Variants in RSPRY1 observed in about 807,000 individuals in gnomAD.
RSPRY1 encodes the protein RING finger and SPRY domain-containing protein 1.
Under a neutral mutation model 73.1 loss-of-function variants are expected in RSPRY1, and 23 were observed. The observed-to-expected ratio is 0.31, with a 90% confidence interval of 0.23 to 0.45. The LOEUF is 0.45. RSPRY1 is among the 20% of genes least tolerant of loss of function. The pLI is 1.00. For synonymous variants in RSPRY1, 226 were observed against 251.4 expected, an observed-to-expected ratio of 0.90 and a Z score of 0.95; for missense variants, 448 against 698.7, an observed-to-expected ratio of 0.64 and a Z score of 4.05.
intron 2 of RSPRY1, 107 bp from the exon 3 acceptor site, chr16:57,207,951 T>C: frequency 1.4e-6 from 1 of 714,444 alleles, no homozygotes. Context: ...TACATTTGTG[T>C]TCATTTCTTC....
At chr16:57,203,048 G>C (rs2074655560) in intron 1 of RSPRY1, among the ~76,000 whole-genome samples, 1 of 152,016 alleles carries the variant, frequency 6.6e-6, no homozygotes, top group Non-Finnish European at 1.5e-5. Context: ...GCTCACACCT[G>C]TAATCCCAGC....
chr16:57,232,517 A>T (rs369756896), intron 13 of RSPRY1, among the ~76,000 whole-genome samples: 5 of 152,056 alleles, frequency 3.3e-5, no homozygotes, highest in African/African-American at 1.2e-4. Context: ...CTGAGGGGAC[A>T]CCTCTCCCTT....
intron 11 of RSPRY1, among the ~76,000 whole-genome samples, chr16:57,230,401 T>C (rs191379093): frequency 6.6e-6 from 1 of 152,328 alleles, no homozygotes. Flanking sequence ...ACCACATGAT[T>C]TTTTGATCTT....
intron 13 of RSPRY1, among the ~76,000 whole-genome samples, chr16:57,232,142 A>C (rs1220042699): frequency 6.6e-6 from 1 of 152,226 alleles, no homozygotes; most frequent in East Asian, 1.9e-4. Flanking sequence ...AGCCAAGGCC[A>C]GCATACTGGC....
At chr16:57,215,542 T>C (rs1219847357) in intron 6 of RSPRY1, among the ~76,000 whole-genome samples, 1 of 152,220 alleles carries the variant, frequency 6.6e-6, no homozygotes, top group Non-Finnish European at 1.5e-5. Flanking sequence ...GGGGAACTCA[T>C]GTGACATGAG....
At chr16:57,201,654 T>C (rs2074611489) in intron 1 of RSPRY1, among the ~76,000 whole-genome samples, 1 of 152,170 alleles carries the variant, frequency 6.6e-6, no homozygotes, top group Non-Finnish European at 1.5e-5. Flanking sequence ...GCCACTGCAC[T>C]CCAGCCTGGG....
rs4784783 is a variant in RSPRY1 at position 57,216,735 on chromosome 16, C to G, written c.770-169C>G. On this transcript the variant is annotated intron_variant, in intron 7 of 14. Coordinates refer to ENST00000394420, the MANE Select transcript of RSPRY1 (RefSeq NM_133368.3). ...ACCCTGTGACTAAAAAAAAGGAAAACAAAATAGTCAAAGCTCTTTGGCTAT... is the reference window on the plus strand; with the variant it reads ...ACCCTGTGACTAAAAAAAAGGAAAAGAAAATAGTCAAAGCTCTTTGGCTAT... Among the ~76,000 whole-genome samples, 13,830 of 152,096 alleles carry G rather than the reference C, an allele frequency of 0.091. 775 individuals are homozygous for G. The highest frequency in any genetic ancestry group is 0.23 in the East Asian group (1,207 of 5,176).
At chr16:57,188,266 TC>T (rs1352754147) in intron 1 of RSPRY1, among the ~76,000 whole-genome samples, 1 of 152,202 alleles carries the variant, frequency 6.6e-6, no homozygotes, top group Admixed American at 6.5e-5. Flanking sequence ...GAGACTTGTG[TC>T]CCTGTATGAC....
At chr16:57,212,868 C>T in intron 4 of RSPRY1, 104 bp from the exon 5 acceptor site, 1 of 1,256,824 alleles carries the variant, frequency 8.0e-7, no homozygotes, top group South Asian at 1.5e-5. Context: ...CCGCCTCGGC[C>T]TCCCAAAGTG....
intron 4 of RSPRY1, among the ~76,000 whole-genome samples, chr16:57,212,670 A>G (rs988678317): frequency 2.6e-5 from 4 of 151,938 alleles, no homozygotes; most frequent in Non-Finnish European, 4.4e-5. Flanking sequence ...GCTGGAGTGC[A>G]GTGGCACGAT....
chr16:57,233,840 A>G (rs1358376757), intron 13 of RSPRY1, among the ~76,000 whole-genome samples: 12 of 152,104 alleles, frequency 7.9e-5, no homozygotes, highest in African/African-American at 2.9e-4. Flanking sequence ...CACTGCTGCT[A>G]CCATGGTCCA....
Position 57,228,046 on chromosome 16 carries a change from G to C in RSPRY1, c.1273+593G>C, listed in dbSNP as rs1474256428. On this transcript the variant is annotated intron_variant, in intron 11 of 14. Coordinates refer to ENST00000394420, the MANE Select transcript of RSPRY1 (RefSeq NM_133368.3). ...GAAAGCAGAAATTTAGGCTGAGGCA[G>C]GTGGATTGCTTGAAGTCAGGAGTTC... 2.0e-5 allele frequency among the ~76,000 whole-genome samples: 3 copies of C among 152,130 alleles called. No homozygotes were observed. The East Asian group carries it at 5.8e-4, about 29-fold the overall frequency.
At chr16:57,208,189 T>C in intron 3 of RSPRY1, 79 bp downstream of exon 3, 1 of 903,146 alleles carries the variant, frequency 1.1e-6, no homozygotes. Flanking sequence ...GTTTTTTGTT[T>C]TGTTTTGTTT....
At chr16:57,218,731 T>TAGGTTGA (rs1288947442) in intron 8 of RSPRY1, among the ~76,000 whole-genome samples, 6 of 102,414 alleles carry the variant, frequency 5.9e-5, no homozygotes, top group South Asian at 4.2e-4. Flanking sequence ...TTTTTTTTTT[T>TAGGTTGA]TTTTTTTTTT....
At chr16:57,231,054 C>G in intron 12 of RSPRY1, 113 bp from the exon 13 acceptor site, 2 of 992,552 alleles carry the variant, frequency 2.0e-6, no homozygotes, top group Non-Finnish European at 3.0e-6. Context: ...GTCACTCTTC[C>G]TTTCTGCCAG....
At chr16:57,223,852 T>C (rs999473483) in intron 10 of RSPRY1, among the ~76,000 whole-genome samples, 1 of 152,238 alleles carries the variant, frequency 6.6e-6, no homozygotes, top group Non-Finnish European at 1.5e-5. Context: ...CTTTCACATA[T>C]TTATCTTTAA....
intron 1 of RSPRY1, among the ~76,000 whole-genome samples, chr16:57,192,127 T>C (rs542663563): frequency 9.2e-5 from 14 of 152,358 alleles, no homozygotes; most frequent in African/African-American, 3.4e-4. Context: ...TATTAGGGTC[T>C]AATAAGTATC....
At chr16:57,201,644 G>A (rs565398104) in intron 1 of RSPRY1, among the ~76,000 whole-genome samples, 46 of 152,348 alleles carry the variant, frequency 3.0e-4, no homozygotes, top group Non-Finnish European at 6.0e-4. Flanking sequence ...CCGAGATCAC[G>A]CCACTGCACT....
chr16:57,223,632 C>T (rs1017946846), intron 10 of RSPRY1, among the ~76,000 whole-genome samples: 3 of 151,996 alleles, frequency 2.0e-5, no homozygotes, highest in African/African-American at 7.3e-5. Context: ...ATTAGCTGGG[C>T]GTGGTGGCGG....
Sources: gnomAD v4.1 joint callset for allele counts (sites outside exome capture counted in the v4.1 genomes callset) on GRCh38, gnomAD v4.1.1 for gene constraint, MANE v1.5 for transcripts, NCBI Gene and HGNC (gene_info 2026-07-23, HGNC 2026-07-21) for gene names.